QTMAN: variants seen among roughly 807,000 people sequenced by gnomAD.
QTMAN encodes the protein tRNA-queuosine alpha-mannosyltransferase.
At chr2:144,246,543 G>A in the QTMAN span, among the ~76,000 whole-genome samples, 19 of 134,712 alleles carry the variant, frequency 1.4e-4, no homozygotes, top group Non-Finnish European at 2.7e-4. Flanking sequence ...ACTGCAGTCC[G>A]CAGTCCGGCC....
chr2:144,142,832 T>G, the QTMAN span, among the ~76,000 whole-genome samples: 1 of 152,000 alleles, frequency 6.6e-6, no homozygotes, highest in Admixed American at 6.6e-5. Flanking sequence ...GAAATAAATG[T>G]GGTAATACCA....
the QTMAN span, among the ~76,000 whole-genome samples, chr2:144,308,024 T>C: frequency 6.6e-6 from 1 of 152,046 alleles, no homozygotes; most frequent in Non-Finnish European, 1.5e-5. Context: ...GTGAAAACAA[T>C]TTCAAAAAAG....
chr2:144,107,757 G>A, the QTMAN span, among the ~76,000 whole-genome samples: 1 of 152,114 alleles, frequency 6.6e-6, no homozygotes, highest in Non-Finnish European at 1.5e-5. Flanking sequence ...CATTTTATGA[G>A]GCCAGCATCA....
chr2:144,123,100 T>C, the QTMAN span, among the ~76,000 whole-genome samples: 1 of 152,186 alleles, frequency 6.6e-6, no homozygotes, highest in Non-Finnish European at 1.5e-5. Flanking sequence ...TTTTTAAAAA[T>C]TGTTAAATTA....
At chr2:144,107,758 G>A in the QTMAN span, among the ~76,000 whole-genome samples, 2 of 152,136 alleles carry the variant, frequency 1.3e-5, no homozygotes, top group Non-Finnish European at 2.9e-5. Context: ...ATTTTATGAG[G>A]CCAGCATCAT....
At chr2:144,181,894 G>A in the QTMAN span, among the ~76,000 whole-genome samples, 1 of 152,064 alleles carries the variant, frequency 6.6e-6, no homozygotes, top group South Asian at 2.1e-4. Flanking sequence ...CATTCTAATA[G>A]CATTAGTGAA....
At chr2:144,110,871 C>A in the QTMAN span, among the ~76,000 whole-genome samples, 1 of 152,186 alleles carries the variant, frequency 6.6e-6, no homozygotes, top group Non-Finnish European at 1.5e-5. Context: ...CCCTCTGGCA[C>A]CTGATCTTAA....
At chr2:144,289,531 T>C in the QTMAN span, among the ~76,000 whole-genome samples, 28 of 152,120 alleles carry the variant, frequency 1.8e-4, no homozygotes, top group Non-Finnish European at 5.9e-5. Flanking sequence ...AATGGTACAC[T>C]AGAAAATAGC....
At chr2:144,098,378 C>T in the QTMAN span, among the ~76,000 whole-genome samples, 1 of 152,210 alleles carries the variant, frequency 6.6e-6, no homozygotes, top group Admixed American at 6.5e-5. Context: ...CAGGTTCAAT[C>T]TAACCATACA....
At chr2:144,133,099 A>G in the QTMAN span, among the ~76,000 whole-genome samples, 1 of 87,458 alleles carries the variant, frequency 1.1e-5, no homozygotes, top group African/African-American at 4.7e-5. Flanking sequence ...AGCATTACCC[A>G]AAATGGAATG....
the QTMAN span, among the ~76,000 whole-genome samples, chr2:144,185,898 C>T: frequency 6.6e-6 from 1 of 152,130 alleles, no homozygotes; most frequent in Non-Finnish European, 1.5e-5. Context: ...AAGCTATAGA[C>T]ATAGGAAAGA....
the QTMAN span, among the ~76,000 whole-genome samples, chr2:144,327,483 A>G: frequency 4.5e-4 from 69 of 152,338 alleles, 3 homozygotes; most frequent in East Asian, 0.013. Flanking sequence ...GATTTATGGG[A>G]GACATCCTTA....
At chr2:144,196,249 A>AAT in the QTMAN span, among the ~76,000 whole-genome samples, 5 of 150,636 alleles carry the variant, frequency 3.3e-5, no homozygotes, top group African/African-American at 9.8e-5. Context: ...ACACACACGA[A>AAT]ATATATATAT....
the QTMAN span, among the ~76,000 whole-genome samples, chr2:144,173,270 C>T: frequency 2.6e-5 from 4 of 152,220 alleles, no homozygotes; most frequent in Admixed American, 6.5e-5. Context: ...CTGTGTAATC[C>T]CTCCCTTTGA....
chr2:144,141,854 T>C, the QTMAN span: 6 of 1,508,886 alleles, frequency 4.0e-6, no homozygotes, highest in Admixed American at 9.2e-5. Context: ...TATGACACAA[T>C]ATTGAGAACA....
chr2:143,988,693 A>G, the QTMAN span, among the ~76,000 whole-genome samples: 26 of 152,346 alleles, frequency 1.7e-4, no homozygotes, highest in Middle Eastern at 3.4e-3. Context: ...TCAGTGGTAA[A>G]GGACGGAACT....
chr2:144,276,470 A>T, the QTMAN span, among the ~76,000 whole-genome samples: 1 of 152,134 alleles, frequency 6.6e-6, no homozygotes, highest in African/African-American at 2.4e-5. Context: ...GATTACAGGC[A>T]TGAGCCACCA....
the QTMAN span, among the ~76,000 whole-genome samples, chr2:144,264,885 C>G: frequency 6.6e-6 from 1 of 152,214 alleles, no homozygotes; most frequent in Non-Finnish European, 1.5e-5. Context: ...TCCCATGTAT[C>G]TTGCCAGGAG....
the QTMAN span, among the ~76,000 whole-genome samples, chr2:144,133,444 TATATA>T: frequency 1.1e-3 from 45 of 41,846 alleles, no homozygotes; most frequent in African/African-American, 4.8e-3. Flanking sequence ...TAATATATAA[TATATA>T]ATATATAATA....
Sources: gnomAD v4.1 joint callset for allele counts (sites outside exome capture counted in the v4.1 genomes callset) on GRCh38, gnomAD v4.1.1 for gene constraint, MANE v1.5 for transcripts, NCBI Gene and HGNC (gene_info 2026-07-23, HGNC 2026-07-21) for gene names.